Variants in PHACTR2 observed in about 807,000 individuals in gnomAD.
The protein encoded by PHACTR2 is phosphatase and actin regulator 2.
A neutral mutation model predicts 76.0 loss-of-function variants in PHACTR2; 30 were observed. The ratio of observed to expected loss-of-function variants is 0.39; its 90% CI spans 0.30 to 0.54. PHACTR2 has a LOEUF of 0.54. Ranked by LOEUF, PHACTR2 falls within the 20% of genes least tolerant of loss-of-function variation. The probability of loss-of-function intolerance (pLI) is 0.61; values close to 1 mark genes in which losing one functional copy is unlikely to be tolerated. For missense variants in PHACTR2, 696 were observed against 781.1 expected (o/e 0.89, Z 1.30); for synonymous variants, 292 against 292.5 (o/e 1.00, Z 0.02).
Position 143,602,371 on chromosome 6 carries a change from C to G in PHACTR2, c.217+65164C>G, listed in dbSNP as rs1223249888. Reference sequence around the variant, plus strand: ...CCCTCAAGGCTTTATAAAGCCATGGCTCCTGGAACTAAGGCATCAGCCATT... The same window carrying G: ...CCCTCAAGGCTTTATAAAGCCATGGGTCCTGGAACTAAGGCATCAGCCATT... On this transcript the variant is annotated intron_variant, in intron 1 of 11. Coordinates refer to the PHACTR2 transcript ENST00000367584. The surrounding 1 kb of genome is among the most constrained non-coding windows in gnomAD (Gnocchi z 6.1). Among the ~76,000 whole-genome samples, 1 of 152,194 alleles carries G rather than the reference C, an allele frequency of 6.6e-6. No homozygotes were observed. The highest frequency in any genetic ancestry group is 1.5e-5 in the Non-Finnish European group (1 of 68,040).
In PHACTR2 at chr6:143,751,791, T is replaced by TACACACACACACACACAC. The variant is rs71024875; in HGVS notation, c.296-1946_296-1929dup. ...TCCTTTGCTCTGCTTGTATTTTACT[T>TACACACACACACACACAC]ACACACACACACACACACACACACA... On this transcript the variant is annotated intron_variant, in intron 3 of 12. Coordinates refer to ENST00000440869, the MANE Select transcript of PHACTR2 (RefSeq NM_001100164.2). The surrounding 1 kb of genome is among the most constrained non-coding windows in gnomAD (Gnocchi z 5.7). Among the ~76,000 whole-genome samples, 654 of 140,316 alleles carry TACACACACACACACACAC rather than the reference T, an allele frequency of 4.7e-3. 2 individuals are homozygous for TACACACACACACACACAC. Among genetic ancestry groups the TACACACACACACACACAC allele is most frequent in the Non-Finnish European group, 4.8e-3 (309 of 64,982 alleles). 92.1% of individuals were successfully genotyped at this position (140,316 alleles called of 152,430 possible). A position where few individuals can be genotyped will look rare whatever the true frequency, so the allele number is the denominator to read the frequency against.
intron 1 of PHACTR2, among the ~76,000 whole-genome samples, chr6:143,566,201 C>A (rs749274250): frequency 1.3e-4 from 20 of 152,186 alleles, no homozygotes; most frequent in Non-Finnish European, 2.1e-4. Flanking sequence ...AGGCCTCAAG[C>A]AATCCTCCTG....
In PHACTR2 at chr6:143,710,652, G is replaced by A. The variant is rs957130724; in HGVS notation, c.47-1364G>A. Reference sequence around the variant, plus strand: ...GCGGTGGTTGCAGTGAGCTGAGATCGCGCCACTGCACTCCAGCCTGGGCGA... The same window carrying A: ...GCGGTGGTTGCAGTGAGCTGAGATCACGCCACTGCACTCCAGCCTGGGCGA... On this transcript the variant is annotated intron_variant, in intron 1 of 12. Coordinates refer to ENST00000440869, the MANE Select transcript of PHACTR2 (RefSeq NM_001100164.2). This position sits in a 1 kb window ranked among gnomAD's most constrained non-coding sequence, Gnocchi z 4.9. 6.6e-5 allele frequency among the ~76,000 whole-genome samples: 10 copies of A among 152,078 alleles called. No homozygotes were observed. The highest frequency in any genetic ancestry group is 1.9e-4 in the East Asian group (1 of 5,184).
At chr6:143,661,723 T>C (rs998030786) in intron 1 of PHACTR2, among the ~76,000 whole-genome samples, 2 of 151,964 alleles carry the variant, frequency 1.3e-5, no homozygotes, top group Non-Finnish European at 2.9e-5. Context: ...ACCTGGCTAA[T>C]TTTTTGTATT....
chr6:143,686,481 C>CTTTTTTTTTTTT (rs71024870), intron 1 of PHACTR2, among the ~76,000 whole-genome samples: 2 of 83,990 alleles, frequency 2.4e-5, no homozygotes, highest in Admixed American at 1.6e-4. Flanking sequence ...GAACTTCATT[C>CTTTTTTTTTTTT]TTTTTTTTTT....
intron 11 of PHACTR2, among the ~76,000 whole-genome samples, chr6:143,792,970 T>C (rs1775728794): frequency 6.6e-6 from 1 of 152,220 alleles, no homozygotes; most frequent in South Asian, 2.1e-4. Context: ...TAGCTCCACT[T>C]CTTGACAGGG....
Position 143,749,040 on chromosome 6 carries a change from A to G in PHACTR2, c.270A>G (p.Gly90=). ...RQSREELIRR[G]VLKELPDQDG... is the part of the protein sequence containing the mutation. ...GTAGAGAGGAGCTGATAAGAAGGGG[A>G]GTGCTTAAGGAATTGCCTGATCAAG... The change falls in exon 3 of 13, where the codon GGA becomes GGG. Residue 90 remains glycine (G), a synonymous_variant. Coordinates refer to ENST00000440869, the MANE Select transcript of PHACTR2 (RefSeq NM_001100164.2). The G allele has an allele frequency of 1.3e-6, 2 of 1,582,710 alleles. No individual in the cohort carries two copies. Among genetic ancestry groups the G allele is most frequent in the Non-Finnish European group, 8.7e-7 (1 of 1,151,462 alleles).
chr6:143,668,439 A>G (rs1306606007), intron 1 of PHACTR2, among the ~76,000 whole-genome samples: 1 of 152,184 alleles, frequency 6.6e-6, no homozygotes, highest in Non-Finnish European at 1.5e-5. Context: ...GAATAATTTC[A>G]TAAGGAATGG....
chr6:143,682,017 T>G (rs1422535208), intron 1 of PHACTR2, among the ~76,000 whole-genome samples: 2 of 152,228 alleles, frequency 1.3e-5, no homozygotes, highest in Non-Finnish European at 2.9e-5. Flanking sequence ...TTTTTCAATT[T>G]TGTTCCTTTA....
intron 2 of PHACTR2, among the ~76,000 whole-genome samples, chr6:143,725,594 G>A (rs1478943412): frequency 1.3e-5 from 2 of 151,622 alleles, no homozygotes; most frequent in Non-Finnish European, 2.9e-5. Flanking sequence ...TTTCAAGAAT[G>A]TCATAGGCTG....
chr6:143,574,997 A>T lies in PHACTR2; in HGVS notation c.217+37790A>T, dbSNP rs191119063. Among the ~76,000 whole-genome samples the T allele has an allele frequency of 4.1e-4, 62 of 152,360 alleles. 1 individual carries two copies. Among genetic ancestry groups the T allele is most frequent in the Admixed American group, 3.7e-3 (57 of 15,306 alleles). ...AGAATTCCTAGATGTTGACTGGCAG[A>T]TTAGATTTCTCAGTATTTACTTGGC... On this transcript the variant is annotated intron_variant, in intron 1 of 11. Transcript: ENST00000367584.
At chr6:143,736,131 C>A (rs891668993) in intron 2 of PHACTR2, among the ~76,000 whole-genome samples, 1 of 152,178 alleles carries the variant, frequency 6.6e-6, no homozygotes, top group Admixed American at 6.5e-5. Context: ...TGGGTACAAG[C>A]GATCCTCCTG....
rs981280824 is a variant in PHACTR2, at chr6:143,689,936, G to A, written c.46+11727G>A. On this transcript the variant is annotated intron_variant, in intron 1 of 12. Coordinates refer to ENST00000440869, the MANE Select transcript of PHACTR2 (RefSeq NM_001100164.2). The surrounding 1 kb of genome is among the most constrained non-coding windows in gnomAD (Gnocchi z 4.4). ...TGGTCTTGAACTTCTGAACTCAGGT[G>A]ATACACCCACCTCAGCTCCCAAAAT... 6.6e-6 allele frequency among the ~76,000 whole-genome samples: 1 copy of A among 152,132 alleles called. No homozygotes were observed. The highest frequency in any genetic ancestry group is 2.4e-5 in the African/African-American group (1 of 41,422).
rs1775115508 is a variant in PHACTR2, at chr6:143,553,127, C to A, written c.217+15920C>A. Among the ~76,000 whole-genome samples the A allele has an allele frequency of 6.6e-6, 1 of 152,168 alleles. No homozygotes were observed. The highest frequency in any genetic ancestry group is 2.1e-4 in the South Asian group (1 of 4,832). ...CCATGCACCACTCTTGACCCATCAA[C>A]AAGGTTCAGCAAGTATTTACTGAGT... On this transcript the variant is annotated intron_variant, in intron 1 of 11. Transcript: ENST00000367584. The surrounding 1 kb of genome is among the most constrained non-coding windows in gnomAD (Gnocchi z 4.2).
At position 143,816,841 on chromosome 6, in the gene PHACTR2, G is replaced by T. The variant is rs1280978554; in HGVS notation, c.1923-6833G>T. 6.6e-6 allele frequency among the ~76,000 whole-genome samples: 1 copy of T among 152,186 alleles called. No individual in the cohort carries two copies. Among genetic ancestry groups the T allele is most frequent in the African/African-American group, 2.4e-5 (1 of 41,452 alleles). ...AGCACTTTGGGAGGCTGAGGCGGGAGGATCGCTTGAGGCCAGGAGTTCAAG... is the reference window on the plus strand; with the variant it reads ...AGCACTTTGGGAGGCTGAGGCGGGATGATCGCTTGAGGCCAGGAGTTCAAG... On this transcript the variant is annotated intron_variant, in intron 12 of 12. Transcript: ENST00000440869. This position sits in a 1 kb window ranked among gnomAD's most constrained non-coding sequence, Gnocchi z 4.5.
rs1775111230 is a variant in PHACTR2, at chr6:143,552,870, A to G, written c.217+15663A>G. Among the ~76,000 whole-genome samples, 6 of 146,228 alleles carry G rather than the reference A, an allele frequency of 4.1e-5. No homozygotes were observed. The Admixed American group carries it at 4.1e-4, about 10-fold the overall frequency. On this transcript the variant is annotated intron_variant, in intron 1 of 11. Coordinates refer to the PHACTR2 transcript ENST00000367584. The stretch of plus-strand genomic sequence containing the variant: ...TGCACTCCAGCCTTGGCAACTGAGC[A>G]AGACTCCATCTCAAAAAGAAAAAAA...
intron 6 of PHACTR2, among the ~76,000 whole-genome samples, chr6:143,768,012 A>G (rs193284647): frequency 1.6e-4 from 25 of 151,846 alleles, no homozygotes; most frequent in Admixed American, 1.6e-3. Context: ...TAATTTTTGT[A>G]TTTTTAGTAG....
At position 143,767,039 on chromosome 6, in the gene PHACTR2, G is replaced by A. The variant is rs1779578240; in HGVS notation, c.1232+1241G>A. On this transcript the variant is annotated intron_variant, in intron 6 of 12. Coordinates refer to ENST00000440869, the MANE Select transcript of PHACTR2 (RefSeq NM_001100164.2). The surrounding 1 kb of genome is among the most constrained non-coding windows in gnomAD (Gnocchi z 4.4). ...TTAAAAAAAATTATTACATTAATTA[G>A]GTTGGTTTTGGTCAAGAAACTAAAA... 6.6e-6 allele frequency among the ~76,000 whole-genome samples: 1 copy of A among 152,140 alleles called. No individual in the cohort carries two copies. Among genetic ancestry groups the A allele is most frequent in the Non-Finnish European group, 1.5e-5 (1 of 68,034 alleles).
chr6:143,672,921 C>T lies in PHACTR2; in HGVS notation c.14-39095C>T, dbSNP rs1582756804. 6.6e-6 allele frequency among the ~76,000 whole-genome samples: 1 copy of T among 152,192 alleles called. No homozygotes were observed. Among genetic ancestry groups the T allele is most frequent in the East Asian group, 1.9e-4 (1 of 5,164 alleles). ...TGTATTTTTAGTAGAGACAGGGTTT[C>T]ACCATGTTGGCCAGGCTGGTCTCAA... On this transcript the variant is annotated intron_variant, in intron 1 of 11. Coordinates refer to the PHACTR2 transcript ENST00000305766. The surrounding 1 kb of genome is among the most constrained non-coding windows in gnomAD (Gnocchi z 5.8).
Sources: gnomAD v4.1 joint callset for allele counts (sites outside exome capture counted in the v4.1 genomes callset) on GRCh38, gnomAD v4.1.1 for gene constraint, Gnocchi (gnomAD v3.1) non-coding constraint, MANE v1.5 for transcripts, NCBI Gene and HGNC (gene_info 2026-07-23, HGNC 2026-07-21) for gene names.